The following AGXT2 variants were observed in gnomAD, a reference collection of about 807,000 sequenced individuals.
AGXT2 encodes alanine--glyoxylate aminotransferase 2, mitochondrial.
A neutral mutation model predicts 62.5 loss-of-function variants in AGXT2; 61 were observed. That is an observed-to-expected ratio of 0.98 (90% CI 0.79 to 1.21). The LOEUF (loss-of-function observed/expected upper bound fraction) is 1.21, where lower values mean the gene tolerates loss of function less well. Among genes scored for constraint, AGXT2 ranks in the 50% most tolerant of loss-of-function variants. AGXT2 has a pLI of 0.00. For missense variants in AGXT2, 666 were observed against 641.5 expected (o/e 1.04, Z -0.41); for synonymous variants, 243 against 218.7 (o/e 1.11, Z -0.98).
At chr5:35,024,350 T>C (rs1767240432) in intron 9 of AGXT2, among the ~76,000 whole-genome samples, 1 of 152,216 alleles carries the variant, frequency 6.6e-6, no homozygotes, top group Non-Finnish European at 1.5e-5. Flanking sequence ...AGACATGGCT[T>C]CGGTGGCCCT....
At chr5:35,034,569 G>T (rs939932671) in intron 5 of AGXT2, among the ~76,000 whole-genome samples, 2 of 152,084 alleles carry the variant, frequency 1.3e-5, no homozygotes, top group African/African-American at 4.8e-5. Context: ...AACTTTACAG[G>T]AGTCTGTTTA....
At chr5:34,999,255 C>T (rs1025746746) in intron 13 of AGXT2, among the ~76,000 whole-genome samples, 1 of 152,240 alleles carries the variant, frequency 6.6e-6, no homozygotes, top group Non-Finnish European at 1.5e-5. Flanking sequence ...TGAGCCTCCT[C>T]TTCACCAGGA....
intron 9 of AGXT2, among the ~76,000 whole-genome samples, chr5:35,023,183 A>G (rs1230588693): frequency 6.6e-6 from 1 of 151,116 alleles, no homozygotes; most frequent in African/African-American, 2.4e-5. Flanking sequence ...AAAAGAAAAA[A>G]GAAAAAAGAA....
At chr5:35,031,939 C>T (rs1160935805) in intron 7 of AGXT2, among the ~76,000 whole-genome samples, 1 of 91,992 alleles carries the variant, frequency 1.1e-5, no homozygotes, top group Non-Finnish European at 2.1e-5. Flanking sequence ...GAGATGGGAT[C>T]TTGCTTTTTT....
At chr5:35,040,069 G>A (rs1304188759) in intron 2 of AGXT2, among the ~76,000 whole-genome samples, 1 of 151,084 alleles carries the variant, frequency 6.6e-6, no homozygotes, top group Admixed American at 6.6e-5. Flanking sequence ...ATAACAGAGA[G>A]AGAGAGAGAG....
intron 3 of AGXT2, among the ~76,000 whole-genome samples, chr5:35,038,983 T>A (rs571289487): frequency 6.6e-6 from 1 of 152,318 alleles, no homozygotes; most frequent in East Asian, 1.9e-4. Flanking sequence ...GCCTGTCATG[T>A]GTTTCTCTGA....
intron 9 of AGXT2, among the ~76,000 whole-genome samples, chr5:35,025,406 A>T (rs920257525): frequency 6.6e-6 from 1 of 152,110 alleles, no homozygotes. Flanking sequence ...AAACAACAAA[A>T]ACCTTGGCTA....
At chr5:35,042,174 G>A (rs2112293638) in intron 1 of AGXT2, among the ~76,000 whole-genome samples, 1 of 152,330 alleles carries the variant, frequency 6.6e-6, no homozygotes, top group African/African-American at 2.4e-5. Flanking sequence ...TATGAAAGTA[G>A]GCTGGAGGGG....
intron 12 of AGXT2, among the ~76,000 whole-genome samples, chr5:35,007,126 A>T (rs1220574346): frequency 6.6e-6 from 1 of 152,114 alleles, no homozygotes; most frequent in Non-Finnish European, 1.5e-5. Context: ...CATGAATGAG[A>T]TCAGTACCCT....
chr5:35,021,813 C>T (rs1311292497), intron 9 of AGXT2, among the ~76,000 whole-genome samples: 1 of 152,092 alleles, frequency 6.6e-6, no homozygotes, highest in Non-Finnish European at 1.5e-5. Context: ...AAAATTTTCG[C>T]AACCTACTCA....
intron 6 of AGXT2, 134 bp downstream of exon 6, chr5:35,033,326 A>G (rs758811566): frequency 1.9e-5 from 14 of 743,860 alleles, no homozygotes; most frequent in Middle Eastern, 2.3e-4. Context: ...CTCCAATTCA[A>G]TTAGGTCAAA....
At chr5:35,017,929 G>A (rs542872712) in intron 9 of AGXT2, among the ~76,000 whole-genome samples, 16 of 152,332 alleles carry the variant, frequency 1.1e-4, no homozygotes, top group African/African-American at 3.8e-4. Context: ...GAAGAATGCA[G>A]AAGCCTCCGG....
At chr5:35,022,698 A>C (rs529026669) in intron 9 of AGXT2, among the ~76,000 whole-genome samples, 1 of 150,772 alleles carries the variant, frequency 6.6e-6, no homozygotes, top group African/African-American at 2.4e-5. Context: ...CATTGTGCAC[A>C]TGTACCCTAA....
chr5:35,013,718 G>T (rs574906354), intron 10 of AGXT2, among the ~76,000 whole-genome samples: 1 of 150,994 alleles, frequency 6.6e-6, no homozygotes, highest in Non-Finnish European at 1.5e-5. Flanking sequence ...CGGAGGCAGA[G>T]GGTGCAATGA....
At chr5:35,038,793 C>A (rs1164167880) in intron 3 of AGXT2, among the ~76,000 whole-genome samples, 4 of 152,196 alleles carry the variant, frequency 2.6e-5, no homozygotes, top group African/African-American at 4.8e-5. Context: ...GGCGAGTATA[C>A]CGTCAACACT....
At chr5:35,031,595 G>A (rs1395266493) in intron 7 of AGXT2, among the ~76,000 whole-genome samples, 2 of 152,228 alleles carry the variant, frequency 1.3e-5, no homozygotes, top group Non-Finnish European at 2.9e-5. Flanking sequence ...GATTAGCAAG[G>A]AACAGATGAT....
chr5:35,009,731 C>T (rs899447166), intron 12 of AGXT2, among the ~76,000 whole-genome samples: 3 of 152,258 alleles, frequency 2.0e-5, no homozygotes, highest in African/African-American at 2.4e-5. Context: ...TCTAAGTATT[C>T]GGTCATTGCC....
At chr5:35,036,033 C>T (rs566193182) in intron 4 of AGXT2, among the ~76,000 whole-genome samples, 8 of 151,912 alleles carry the variant, frequency 5.3e-5, no homozygotes, top group East Asian at 1.9e-4. Flanking sequence ...GCCGAGATTG[C>T]GCCATTGCAC....
intron 12 of AGXT2, among the ~76,000 whole-genome samples, chr5:35,008,559 T>C (rs1347968340): frequency 1.3e-5 from 2 of 152,220 alleles, no homozygotes; most frequent in Non-Finnish European, 2.9e-5. Flanking sequence ...TTGTGAGCTC[T>C]TCTCCATTGT....
Sources: gnomAD v4.1 joint callset for allele counts (sites outside exome capture counted in the v4.1 genomes callset) on GRCh38, gnomAD v4.1.1 for gene constraint, MANE v1.5 for transcripts, NCBI Gene and HGNC (gene_info 2026-07-23, HGNC 2026-07-21) for gene names.